MLLT6: variants seen among roughly 807,000 people sequenced by gnomAD.
The protein encoded by MLLT6 is MLLT6, PHD finger containing, also known as protein AF-17.
MLLT6 carries 22 observed loss-of-function variants against 103.0 expected under a neutral mutation model. The observed-to-expected ratio is 0.21, with a 90% CI of 0.15 to 0.31. The LOEUF (loss-of-function observed/expected upper bound fraction) is 0.31. MLLT6 is among the 10% of genes least tolerant of loss of function. The pLI, the probability that MLLT6 is intolerant of heterozygous loss-of-function variation, is 1.00. For synonymous variants in MLLT6, 606 were observed against 623.5 expected (o/e 0.97, Z 0.42); for missense variants, 1,199 against 1,441.7 (o/e 0.83, Z 2.73).
rs535741475 is a variant in MLLT6 at position 38,717,329 on chromosome 17, C to T, written c.1652-103C>T. 3.2e-4 allele frequency: 296 copies of T among 939,106 alleles called. No homozygotes were observed. In the African/African-American group the frequency reaches 4.5e-3, roughly 14 times the overall value. 58.2% of individuals were successfully genotyped at this position (939,106 alleles called of 1,614,324 possible). ...GTTAGACTGGGGCATGTAGCCAGATCCCGGGGAGCACTCGAGCTGGGGAGG... is the reference window on the plus strand; with the variant it reads ...GTTAGACTGGGGCATGTAGCCAGATTCCGGGGAGCACTCGAGCTGGGGAGG... On this transcript the variant is annotated intron_variant, in intron 10 of 19. Transcript: ENST00000621332.
At position 38,709,812 on chromosome 17, in the gene MLLT6, A is replaced by G. The variant is rs898270831; in HGVS notation, c.552+237A>G. Reference sequence around the variant, plus strand: ...AGACAAAGCTCAGACCCTGCCTGTCAGAGTCTAGGAGGCTTCAAGGAAGAG... The same window carrying G: ...AGACAAAGCTCAGACCCTGCCTGTCGGAGTCTAGGAGGCTTCAAGGAAGAG... On this transcript the variant is annotated intron_variant, in intron 6 of 19. Coordinates refer to ENST00000621332, the MANE Select transcript of MLLT6 (RefSeq NM_005937.4). This position sits in a 1 kb window ranked among gnomAD's most constrained non-coding sequence, Gnocchi z 4.3. 6.6e-6 allele frequency among the ~76,000 whole-genome samples: 1 copy of G among 152,258 alleles called. No homozygotes were observed. The highest frequency in any genetic ancestry group is 2.4e-5 in the African/African-American group (1 of 41,476).
intron 7 of MLLT6, 71 bp from the exon 8 acceptor site, chr17:38,712,620 A>C: frequency 1.0e-6 from 1 of 994,568 alleles, no homozygotes; most frequent in Non-Finnish European, 1.6e-6. Flanking sequence ...AGCTCCCCAT[A>C]CCCACATGTC....
chr17:38,717,189 T>G (rs986434068), intron 10 of MLLT6, among the ~76,000 whole-genome samples: 4 of 152,064 alleles, frequency 2.6e-5, no homozygotes, highest in Admixed American at 1.3e-4. Context: ...TACCAAGTTT[T>G]GGGAGGGAGA....
In MLLT6 at chr17:38,715,732, A is replaced by C; in HGVS notation, c.940A>C (p.Lys314Gln). The part of the protein sequence containing the change: ...SSHSLSHKGK[K>Q]LSSGKGVSSF... ...CCATAGCCTGAGTCATAAAGGGAAG[A>C]AACTGAGCAGTGGGAAAGGTGTGAG... is the stretch of plus-strand genomic sequence containing the variant. Residue 314 changes from lysine to glutamine, a missense_variant, in exon 9 of 20, where the codon AAA becomes CAA. Physicochemically the swap from Lys to Gln is moderately conservative, Grantham distance 53. Transcript: ENST00000621332. 1 of 1,614,178 alleles carries C rather than the reference A, an allele frequency of 6.2e-7. No individual in the cohort carries two copies. Among genetic ancestry groups the C allele is most frequent in the Non-Finnish European group, 8.5e-7 (1 of 1,180,020 alleles).
chr17:38,712,175 G>C (rs907751967), intron 7 of MLLT6, 161 bp downstream of exon 7: 28 of 946,352 alleles, frequency 3.0e-5, no homozygotes, highest in African/African-American at 3.5e-5. Context: ...TGAAACGGTG[G>C]GGGGGTGAGG....
rs1905371653 is a variant in MLLT6 at position 38,716,884 on chromosome 17, C to T, written c.1554C>T (p.Ser518=). 1 of 1,613,610 alleles carries T rather than the reference C, an allele frequency of 6.2e-7. No homozygotes were observed. The highest frequency in any genetic ancestry group is 1.3e-5 in the African/African-American group (1 of 74,938). ...ATAASPFSGG[S]LVSSGLGGLS... is the part of the protein sequence containing the mutation. ...CTGCCTCACCCTTCTCTGGAGGTTC[C>T]CTGGTCAGCTCCGGCCTGGGAGGTC... Residue 518 remains serine (S), a synonymous_variant, in exon 10 of 20, where the codon TCC becomes TCT. Coordinates refer to ENST00000621332, the MANE Select transcript of MLLT6 (RefSeq NM_005937.4). This position sits in a 1 kb window ranked among gnomAD's most constrained non-coding sequence, Gnocchi z 5.6.
Position 38,719,903 on chromosome 17 carries a change from G to A in MLLT6, c.2155+8G>A, listed in dbSNP as rs1324018395. 2.5e-6 allele frequency: 4 copies of A among 1,568,776 alleles called. No homozygotes were observed. The highest frequency in any genetic ancestry group is 3.5e-6 in the Non-Finnish European group (4 of 1,157,618). On this transcript the variant is annotated splice_region_variant and intron_variant, in intron 14 of 19. Transcript: ENST00000621332. ...GGGAGGCCGGCGTCAACAGTGAGGA[G>A]GGGTGGCGCCGGTCGGGACGCCTGC...
At position 38,724,283 on chromosome 17, in the gene MLLT6, C is replaced by T. The variant is rs369276403; in HGVS notation, c.2884-337C>T. On this transcript the variant is annotated intron_variant, in intron 18 of 19. Coordinates refer to ENST00000621332, the MANE Select transcript of MLLT6 (RefSeq NM_005937.4). This position sits in a 1 kb window ranked among gnomAD's most constrained non-coding sequence, Gnocchi z 5.4. ...AAAAAGAAAAGAAAAGAAAAGAAAA[C>T]TATTGACCTAGTTTAGTGTTTTTCA... 16 of 301,266 alleles carry T rather than the reference C, an allele frequency of 5.3e-5. No homozygotes were observed. In the South Asian group the frequency reaches 2.2e-3, roughly 42 times the overall value. 18.7% of individuals were successfully genotyped at this position (301,266 alleles called of 1,614,324 possible).
rs538715886 is a variant in MLLT6 at position 38,727,265 on chromosome 17, T to C, written c.*1667T>C. 4.3e-6 allele frequency: 1 copy of C among 231,446 alleles called. No homozygotes were observed. Among genetic ancestry groups the C allele is most frequent in the East Asian group, 6.1e-5 (1 of 16,378 alleles). The allele number at this position is 231,446 out of a possible 1,614,324, so 14.3% of individuals were successfully genotyped here. A position where few individuals can be genotyped will look rare whatever the true frequency, so the allele number is the denominator to read the frequency against. On this transcript the variant is annotated 3_prime_UTR_variant, in exon 20 of 20. Transcript: ENST00000621332. Reference sequence around the variant, plus strand: ...TCTGATACTGAAAATAATATTAATATTCCTGTTGATAAGACTTTGTAAGAT... The same window carrying C: ...TCTGATACTGAAAATAATATTAATACTCCTGTTGATAAGACTTTGTAAGAT...
intron 18 of MLLT6, among the ~76,000 whole-genome samples, chr17:38,723,275 A>AGATC (rs1193116900): frequency 2.6e-5 from 4 of 152,192 alleles, no homozygotes; most frequent in Admixed American, 2.6e-4. Context: ...TGAGGCAGGC[A>AGATC]GATCGCTTGA....
intron 17 of MLLT6, 44 bp from the exon 18 acceptor site, chr17:38,722,634 T>TGGGGTGGGGGGGGGGGGGGGGGGG: frequency 1.9e-6 from 1 of 532,162 alleles, no homozygotes. Flanking sequence ...CCCTCCCCCA[T>TGGGGTGGGGGGGGGGGGGGGGGGG]GGTCTGTGTG....
At chr17:38,711,751 G>T in intron 6 of MLLT6, 96 bp from the exon 7 acceptor site, 1 of 1,420,808 alleles carries the variant, frequency 7.0e-7, no homozygotes. Flanking sequence ...GGGCACATGG[G>T]GCTGACCCCC....
chr17:38,719,485 C>T (rs761522726), intron 12 of MLLT6, 32 bp from the exon 13 acceptor site: 3 of 1,577,360 alleles, frequency 1.9e-6, no homozygotes, highest in Non-Finnish European at 2.6e-6. Flanking sequence ...TACCACTCCT[C>T]CACGCTGATC....
At position 38,725,981 on chromosome 17, in the gene MLLT6, A is replaced by T; in HGVS notation, c.*383A>T. 1 of 289,380 alleles carries T rather than the reference A, an allele frequency of 3.5e-6. No individual in the cohort carries two copies. Among genetic ancestry groups the T allele is most frequent in the Non-Finnish European group, 6.4e-6 (1 of 155,654 alleles). 17.9% of individuals were successfully genotyped at this position (289,380 alleles called of 1,614,324 possible). ...TCAGCACTTGAATGGGGAGAAGTGG[A>T]GGGAGAGGCCCTGGGCCTGTCCCTG... On this transcript the variant is annotated 3_prime_UTR_variant, in exon 20 of 20. Coordinates refer to ENST00000621332, the MANE Select transcript of MLLT6 (RefSeq NM_005937.4).
rs564736358 is a variant in MLLT6 at position 38,712,435 on chromosome 17, G to T, written c.721-256G>T. Among the ~76,000 whole-genome samples the T allele has an allele frequency of 2.6e-5, 4 of 152,326 alleles. No homozygotes were observed. The East Asian group carries it at 7.7e-4, about 29-fold the overall frequency. ...CCTTGCAGGTGTTATGTTCACGCGC[G>T]TGGTGCTCTATAGCACTGGCGTGAT... On this transcript the variant is annotated intron_variant, in intron 7 of 19. Coordinates refer to ENST00000621332, the MANE Select transcript of MLLT6 (RefSeq NM_005937.4).
At position 38,722,074 on chromosome 17, in the gene MLLT6, T is replaced by C; in HGVS notation, c.2639T>C (p.Met880Thr). 7.2e-7 allele frequency: 1 copy of C among 1,379,508 alleles called. No homozygotes were observed. Among genetic ancestry groups the C allele is most frequent in the East Asian group, 3.0e-5 (1 of 33,370 alleles). 85.5% of individuals were successfully genotyped at this position (1,379,508 alleles called of 1,614,324 possible). ...GCAGCGGGGCTGGGGGCCATGCCCATGGCTGAGGGGCTGTTGGGGGGGCTG... is the reference window on the plus strand; with the variant it reads ...GCAGCGGGGCTGGGGGCCATGCCCACGGCTGAGGGGCTGTTGGGGGGGCTG... ...PGAAGLGAMPMAEGLLGGLAG... is the reference protein window; with the variant it reads ...PGAAGLGAMPTAEGLLGGLAG... Residue 880 changes from methionine to threonine, a missense_variant, in exon 17 of 20, where the codon ATG becomes ACG. By Grantham distance (81) the Met-to-Thr change is moderately conservative. Coordinates refer to ENST00000621332, the MANE Select transcript of MLLT6 (RefSeq NM_005937.4).
intron 1 of MLLT6, chr17:38,706,639 G>C: frequency 3.5e-6 from 1 of 287,396 alleles, no homozygotes; most frequent in Non-Finnish European, 6.4e-6. Context: ...CTCTATTTCT[G>C]ATGCTGATGG....
chr17:38,720,105 CG>C lies in MLLT6; in HGVS notation c.2155+213del, dbSNP rs1330257940. The C allele has an allele frequency of 2.5e-5, 19 of 768,238 alleles. No homozygotes were observed. In the East Asian group the frequency reaches 4.1e-4, roughly 16 times the overall value. The allele number at this position is 768,238 out of a possible 1,614,324, so 47.6% of individuals were successfully genotyped here. A position where few individuals can be genotyped will look rare whatever the true frequency, so the allele number is the denominator to read the frequency against. On this transcript the variant is annotated intron_variant, in intron 14 of 19. Coordinates refer to ENST00000621332, the MANE Select transcript of MLLT6 (RefSeq NM_005937.4). ...CCCCACCTTTGGCCTTCGTGGCCTC[CG>C]GGCCCCGACCTTACCAAACCGCAAC...
chr17:38,724,161 CA>C lies in MLLT6; in HGVS notation c.2884-458del, dbSNP rs1486006097. On this transcript the variant is annotated intron_variant, in intron 18 of 19. Coordinates refer to ENST00000621332, the MANE Select transcript of MLLT6 (RefSeq NM_005937.4). This position sits in a 1 kb window ranked among gnomAD's most constrained non-coding sequence, Gnocchi z 5.4. ...AATCCAGCTACCTGGGAGGCTGAGG[CA>C]GGAGAATCGCTTGAACCCAGGAGGT... 6.5e-6 allele frequency: 1 copy of C among 154,328 alleles called. No individual in the cohort carries two copies. The highest frequency in any genetic ancestry group is 1.4e-5 in the Non-Finnish European group (1 of 69,752). The allele number at this position is 154,328 out of a possible 1,614,324, so 9.6% of individuals were successfully genotyped here. A position where few individuals can be genotyped will look rare whatever the true frequency, so the allele number is the denominator to read the frequency against.
Sources: allele counts gnomAD v4.1 joint callset (sites outside exome capture counted in the v4.1 genomes callset), GRCh38; gene constraint gnomAD v4.1.1; non-coding constraint Gnocchi (gnomAD v3.1); transcripts MANE v1.5; gene names NCBI Gene and HGNC (gene_info 2026-07-23, HGNC 2026-07-21).